Variants in SLC25A48 observed in about 807,000 individuals in gnomAD.
The protein encoded by SLC25A48 is solute carrier family 25 member 48.
Under a neutral mutation model 32.2 loss-of-function variants are expected in SLC25A48, and 29 were observed. The observed-to-expected ratio is 0.90, with a 90% CI of 0.67 to 1.23. SLC25A48 has a LOEUF of 1.23. Ranked by LOEUF, SLC25A48 falls within the 50% of genes most tolerant of loss-of-function variation. The probability of loss-of-function intolerance (pLI) is 0.00; values close to 1 mark genes in which losing one functional copy is unlikely to be tolerated. For missense variants in SLC25A48, 399 were observed against 422.7 expected, an observed-to-expected ratio of 0.94 and a Z score of 0.49; for synonymous variants, 164 against 172.3, an observed-to-expected ratio of 0.95 and a Z score of 0.38.
intron 4 of SLC25A48, among the ~76,000 whole-genome samples, chr5:135,859,284 C>T (rs1009139421): frequency 6.6e-6 from 1 of 152,160 alleles, no homozygotes; most frequent in African/African-American, 2.4e-5. Context: ...TCACGTCTTA[C>T]ATGGCAGCAG....
chr5:135,874,518 C>T (rs1203772891), intron 6 of SLC25A48: 2 of 561,362 alleles, frequency 3.6e-6, no homozygotes, highest in South Asian at 2.3e-5. Context: ...GTGCCTTCCC[C>T]ACTCCTCCTC....
chr5:135,797,765 A>G (rs1757223807), intron 3 of SLC25A48, among the ~76,000 whole-genome samples: 1 of 151,774 alleles, frequency 6.6e-6, no homozygotes, highest in Non-Finnish European at 1.5e-5. Context: ...AGAGAGGATG[A>G]TATAACTCTC....
At chr5:135,847,357 C>T (rs1759509146) in intron 2 of SLC25A48, among the ~76,000 whole-genome samples, 1 of 152,088 alleles carries the variant, frequency 6.6e-6, no homozygotes, top group African/African-American at 2.4e-5. Context: ...CTCTGGGGTC[C>T]TGTGGAGTGA....
intron 3 of SLC25A48, among the ~76,000 whole-genome samples, chr5:135,721,493 G>A (rs1259853921): frequency 6.6e-6 from 1 of 151,998 alleles, no homozygotes; most frequent in Non-Finnish European, 1.5e-5. Context: ...GTGAACCACC[G>A]CACCCGGCCT....
chr5:135,700,423 T>C lies in SLC25A48; in HGVS notation c.-521+65467T>C, dbSNP rs150163608. The stretch of plus-strand genomic sequence containing the variant: ...GAAAGAAAAGAAAATGATATTGGAC[T>C]GAAAATGTGAATTTTAGTCAGCCAA... On this transcript the variant is annotated intron_variant, in intron 3 of 10. Coordinates refer to the SLC25A48 transcript ENST00000646290. 1.6e-4 allele frequency among the ~76,000 whole-genome samples: 24 copies of C among 148,192 alleles called. No homozygotes were observed. In the East Asian group the frequency reaches 4.1e-3, roughly 26 times the overall value.
intron 1 of SLC25A48, among the ~76,000 whole-genome samples, chr5:135,839,158 T>G (rs1758788000): frequency 6.6e-6 from 1 of 152,232 alleles, no homozygotes. Context: ...CACTTTCCTT[T>G]GCAGTGGGGC....
At chr5:135,871,358 A>G in intron 4 of SLC25A48, 103 bp from the exon 5 acceptor site, 1 of 1,382,286 alleles carries the variant, frequency 7.2e-7, no homozygotes, top group Non-Finnish European at 9.8e-7. Context: ...GATGGGCTAC[A>G]TGAGAGGGAA....
chr5:135,746,631 A>G (rs1050983295), intron 3 of SLC25A48, among the ~76,000 whole-genome samples: 8 of 152,214 alleles, frequency 5.3e-5, no homozygotes, highest in Non-Finnish European at 5.9e-5. Context: ...GGGATTTCCT[A>G]TCATACATAC....
intron 3 of SLC25A48, among the ~76,000 whole-genome samples, chr5:135,706,920 C>T (rs1309087343): frequency 3.9e-5 from 6 of 152,178 alleles, no homozygotes; most frequent in East Asian, 1.9e-4. Flanking sequence ...GAATTCATGA[C>T]GGAGTCTAAG....
chr5:135,611,399 C>CCCT (rs1752059426), intron 1 of SLC25A48, among the ~76,000 whole-genome samples: 1 of 145,376 alleles, frequency 6.9e-6, no homozygotes, highest in Non-Finnish European at 1.5e-5. Context: ...CTTGTAGTCC[C>CCCT]AGCTACTCAG....
intron 3 of SLC25A48, among the ~76,000 whole-genome samples, chr5:135,799,466 G>A (rs953619730): frequency 5.3e-5 from 8 of 151,558 alleles, no homozygotes; most frequent in African/African-American, 1.7e-4. Flanking sequence ...TGCAGGAAGT[G>A]TATACGTTCT....
At chr5:135,843,157 C>T (rs985571280) in intron 2 of SLC25A48, among the ~76,000 whole-genome samples, 3 of 152,200 alleles carry the variant, frequency 2.0e-5, no homozygotes, top group Non-Finnish European at 4.4e-5. Context: ...TGAAGAAACA[C>T]TTTAAGTAGT....
intron 7 of SLC25A48, chr5:135,883,520 C>G (rs1411103647): frequency 1.0e-6 from 1 of 973,182 alleles, no homozygotes; most frequent in African/African-American, 1.8e-5. Flanking sequence ...TCATTCCTCT[C>G]TCTCTGTTCA....
intron 3 of SLC25A48, among the ~76,000 whole-genome samples, chr5:135,709,878 A>G (rs1460845138): frequency 6.6e-6 from 1 of 152,194 alleles, no homozygotes; most frequent in African/African-American, 2.4e-5. Flanking sequence ...TCAACTGCAC[A>G]TCTGTTCCCT....
chr5:135,779,174 C>A (rs1350998178), intron 3 of SLC25A48, among the ~76,000 whole-genome samples: 1 of 151,764 alleles, frequency 6.6e-6, no homozygotes, highest in Non-Finnish European at 1.5e-5. Flanking sequence ...TCCTAATATC[C>A]AGAGCATGAG....
At chr5:135,641,084 G>T (rs76612064) in intron 3 of SLC25A48, among the ~76,000 whole-genome samples, 143 of 152,262 alleles carry the variant, frequency 9.4e-4, no homozygotes, top group African/African-American at 3.4e-3. Flanking sequence ...CTTGTATGTA[G>T]AAAATCTTGA....
At chr5:135,585,886 G>T (rs1751354625) in intron 1 of SLC25A48, among the ~76,000 whole-genome samples, 1 of 152,128 alleles carries the variant, frequency 6.6e-6, no homozygotes, top group African/African-American at 2.4e-5. Context: ...GTTCATTCTT[G>T]TTTTATGATT....
intron 4 of SLC25A48, among the ~76,000 whole-genome samples, chr5:135,823,283 C>A (rs536886056): frequency 2.8e-4 from 42 of 152,280 alleles, no homozygotes; most frequent in African/African-American, 1.0e-3. Flanking sequence ...CTGCCATGTT[C>A]CTGATGGGCT....
chr5:135,865,054 G>A (rs1245130593), intron 4 of SLC25A48, among the ~76,000 whole-genome samples: 1 of 152,222 alleles, frequency 6.6e-6, no homozygotes, highest in Non-Finnish European at 1.5e-5. Flanking sequence ...ATGTATTTCA[G>A]TAAAGCACAT....
Sources: gnomAD v4.1 joint callset for allele counts (sites outside exome capture counted in the v4.1 genomes callset) on GRCh38, gnomAD v4.1.1 for gene constraint, MANE v1.5 for transcripts, NCBI Gene and HGNC (gene_info 2026-07-23, HGNC 2026-07-21) for gene names.